NRXN3: variants seen among roughly 807,000 people sequenced by gnomAD.
NRXN3 encodes the protein neurexin 3.
NRXN3 carries 32 observed loss-of-function variants against 137.6 expected under a neutral mutation model. The observed-to-expected ratio is 0.23, with a 90% CI of 0.18 to 0.31. The LOEUF (loss-of-function observed/expected upper bound fraction) is 0.31, where lower values mean the gene tolerates loss of function less well. Among genes scored for constraint, NRXN3 ranks in the 10% least tolerant of loss-of-function variants. NRXN3 has a pLI of 1.00. For missense variants in NRXN3, 1,574 were observed against 2,062.5 expected (o/e 0.76, Z 4.59); for synonymous variants, 798 against 784.5 (o/e 1.02, Z -0.29).
intron 4 of NRXN3, among the ~76,000 whole-genome samples, chr14:78,630,232 A>G (rs2097506388): frequency 6.6e-6 from 1 of 152,230 alleles, no homozygotes; most frequent in Non-Finnish European, 1.5e-5. Flanking sequence ...ACTCAAAACG[A>G]AAAGAATCTC....
intron 10 of NRXN3, among the ~76,000 whole-genome samples, chr14:78,863,186 A>G (rs1183634878): frequency 1.3e-5 from 2 of 152,178 alleles, no homozygotes; most frequent in Non-Finnish European, 2.9e-5. Flanking sequence ...TCAATCTGAC[A>G]AGAAAATCAA....
intron 20 of NRXN3, among the ~76,000 whole-genome samples, chr14:79,806,959 TATA>T (rs1162798604): frequency 6.1e-5 from 4 of 65,368 alleles, no homozygotes; most frequent in Non-Finnish European, 8.4e-5. Flanking sequence ...TATATATATA[TATA>T]TTTTTTTTTT....
chr14:79,852,234 AAC>A (rs45581833), intron 20 of NRXN3, among the ~76,000 whole-genome samples: 7,449 of 128,122 alleles, frequency 0.058, 354 homozygotes, highest in African/African-American at 0.14. Context: ...TTCAACTCCC[AAC>A]ACACACACAC....
intron 10 of NRXN3, among the ~76,000 whole-genome samples, chr14:78,865,982 C>T (rs767963755): frequency 4.6e-5 from 7 of 152,044 alleles, no homozygotes; most frequent in Non-Finnish European, 7.4e-5. Context: ...TTATCAGAAT[C>T]AGGGAAGAAA....
At chr14:79,287,946 T>C (rs1201332188) in intron 15 of NRXN3, among the ~76,000 whole-genome samples, 1 of 152,228 alleles carries the variant, frequency 6.6e-6, no homozygotes, top group Non-Finnish European at 1.5e-5. Context: ...TCATCATTTG[T>C]ACAATGAGAG....
chr14:78,491,977 G>A lies in NRXN3; in HGVS notation c.758-153143G>A, dbSNP rs572113082. ...GGGACCAGGAAGGTGCTGAGATTCG[G>A]ATTCCGCCTCTGCTGCTTACCATGT... is the stretch of plus-strand genomic sequence containing the variant. On this transcript the variant is annotated intron_variant, in intron 4 of 20. Transcript: ENST00000335750. Among the ~76,000 whole-genome samples, 10 of 152,300 alleles carry A rather than the reference G, an allele frequency of 6.6e-5. No homozygotes were observed. The South Asian group carries it at 1.0e-3, about 16-fold the overall frequency.
chr14:78,189,000 A>G (rs1036812392), intron 1 of NRXN3, among the ~76,000 whole-genome samples: 1 of 151,968 alleles, frequency 6.6e-6, no homozygotes, highest in African/African-American at 2.4e-5. Flanking sequence ...TTTTGATTTT[A>G]CCTCCTGCCC....
intron 15 of NRXN3, among the ~76,000 whole-genome samples, chr14:79,366,323 A>T (rs1278843897): frequency 6.6e-6 from 1 of 152,182 alleles, no homozygotes; most frequent in East Asian, 1.9e-4. Context: ...GAACATTCCA[A>T]TTCCACTTTT....
At chr14:79,648,806 A>G (rs1277141173) in intron 16 of NRXN3, among the ~76,000 whole-genome samples, 2 of 152,098 alleles carry the variant, frequency 1.3e-5, no homozygotes, top group Non-Finnish European at 2.9e-5. Flanking sequence ...TAGATCTGGT[A>G]GTTTGGTGAG....
At chr14:79,583,802 C>G (rs548685654) in intron 16 of NRXN3, among the ~76,000 whole-genome samples, 61 of 152,014 alleles carry the variant, frequency 4.0e-4, no homozygotes, top group Admixed American at 9.2e-4. Context: ...ATAGAGGGAA[C>G]GATGAACTCT....
chr14:78,618,676 G>A (rs1363155926), intron 4 of NRXN3, among the ~76,000 whole-genome samples: 3 of 152,134 alleles, frequency 2.0e-5, no homozygotes, highest in Non-Finnish European at 4.4e-5. Context: ...CTGTACATCT[G>A]CATCATCTCA....
intron 10 of NRXN3, among the ~76,000 whole-genome samples, chr14:78,880,036 G>A (rs1246651887): frequency 7.1e-6 from 1 of 141,314 alleles, no homozygotes; most frequent in Admixed American, 6.8e-5. Flanking sequence ...TCAGGAGATC[G>A]AGACCATCCC....
intron 15 of NRXN3, among the ~76,000 whole-genome samples, chr14:79,323,125 C>G (rs1277935931): frequency 1.3e-5 from 2 of 152,228 alleles, no homozygotes; most frequent in South Asian, 2.1e-4. Flanking sequence ...CCTTGAACTC[C>G]TGGGCTCAGG....
chr14:79,158,459 C>G (rs1288104596), intron 15 of NRXN3, among the ~76,000 whole-genome samples: 1 of 151,680 alleles, frequency 6.6e-6, no homozygotes, highest in Non-Finnish European at 1.5e-5. Flanking sequence ...GCCACTCAAA[C>G]AAAGAAATAT....
chr14:78,572,712 G>C (rs2096901130), intron 4 of NRXN3, among the ~76,000 whole-genome samples: 1 of 152,174 alleles, frequency 6.6e-6, no homozygotes, highest in Non-Finnish European at 1.5e-5. Flanking sequence ...CATCACACCA[G>C]AGTTTTCTAT....
At chr14:79,748,218 C>T (rs2098985590) in intron 19 of NRXN3, among the ~76,000 whole-genome samples, 1 of 151,474 alleles carries the variant, frequency 6.6e-6, no homozygotes, top group Non-Finnish European at 1.5e-5. Flanking sequence ...TCAAAAAAAG[C>T]TAAAAGCAAG....
At chr14:79,783,530 T>C (rs1466813023) in intron 19 of NRXN3, among the ~76,000 whole-genome samples, 3 of 152,188 alleles carry the variant, frequency 2.0e-5, no homozygotes, top group Non-Finnish European at 4.4e-5. Flanking sequence ...ACAATGTTGA[T>C]ATTGACTAAA....
rs1248247534 is a variant in NRXN3, at chr14:79,519,675, T to C, written c.3444+52273T>C. On this transcript the variant is annotated intron_variant, in intron 16 of 20. Transcript: ENST00000335750. ...CGACCCAAGAATTAAGAGAGAGTTT[T>C]AAAATTTCTGATTGGAATGGGATTC... is the stretch of plus-strand genomic sequence containing the variant. 2.0e-5 allele frequency among the ~76,000 whole-genome samples: 3 copies of C among 151,942 alleles called. No individual in the cohort carries two copies. The South Asian group carries it at 6.2e-4, about 31-fold the overall frequency.
At chr14:79,485,081 T>C (rs1432795075) in intron 16 of NRXN3, among the ~76,000 whole-genome samples, 1 of 152,140 alleles carries the variant, frequency 6.6e-6, no homozygotes, top group Non-Finnish European at 1.5e-5. Flanking sequence ...AATATTGATG[T>C]GTCGTGATTT....
Sources: allele counts gnomAD v4.1 joint callset (sites outside exome capture counted in the v4.1 genomes callset), GRCh38; gene constraint gnomAD v4.1.1; transcripts MANE v1.5; gene names NCBI Gene and HGNC (gene_info 2026-07-23, HGNC 2026-07-21).